The following NARS2 variants were observed in gnomAD, a reference collection of about 807,000 sequenced individuals.
The protein encoded by NARS2 is asparaginyl-tRNA synthetase.
In NARS2, 60 loss-of-function variants were observed where a neutral mutation model predicts 62.9. That is an observed-to-expected ratio of 0.95 (90% CI 0.77 to 1.18). The LOEUF (loss-of-function observed/expected upper bound fraction) is 1.18. Ranked by LOEUF, NARS2 falls within the 50% of genes most tolerant of loss-of-function variation. The pLI is 0.00. For missense variants in NARS2, 619 were observed against 576.4 expected, an observed-to-expected ratio of 1.07 and a Z score of -0.76; for synonymous variants, 196 against 200.0, an observed-to-expected ratio of 0.98 and a Z score of 0.17.
chr11:78,547,212 T>C (rs1198294683), intron 5 of NARS2, among the ~76,000 whole-genome samples: 1 of 151,982 alleles, frequency 6.6e-6, no homozygotes, highest in Non-Finnish European at 1.5e-5. Context: ...ACACCCATAG[T>C]ACTAGCTACC....
intron 7 of NARS2, among the ~76,000 whole-genome samples, chr11:78,490,128 C>T (rs1859754078): frequency 6.6e-6 from 1 of 152,160 alleles, no homozygotes; most frequent in Non-Finnish European, 1.5e-5. Flanking sequence ...CTTTCAAAAG[C>T]AGAATAAACT....
intron 4 of NARS2, among the ~76,000 whole-genome samples, chr11:78,560,232 T>C (rs1856510547): frequency 2.0e-5 from 3 of 152,196 alleles, no homozygotes; most frequent in African/African-American, 4.8e-5. Context: ...GATGGCACAA[T>C]GGACTCCACA....
intron 6 of NARS2, among the ~76,000 whole-genome samples, chr11:78,502,435 G>A (rs1215793493): frequency 1.3e-5 from 2 of 152,112 alleles, no homozygotes; most frequent in Non-Finnish European, 2.9e-5. Flanking sequence ...ACTGGATTAT[G>A]GTTCTACCCT....
intron 9 of NARS2, among the ~76,000 whole-genome samples, chr11:78,469,745 C>T (rs1436808245): frequency 4.0e-5 from 6 of 149,678 alleles, no homozygotes; most frequent in South Asian, 2.2e-4. Context: ...AGACAATGTG[C>T]GTGCGCGCAT....
At position 78,493,066 on chromosome 11, in the gene NARS2, C is replaced by T. The variant is rs1859895936; in HGVS notation, c.819G>A (p.Met273Ile). 2 of 1,610,300 alleles carry T rather than the reference C, an allele frequency of 1.2e-6. No homozygotes were observed. The highest frequency in any genetic ancestry group is 1.7e-6 in the Non-Finnish European group (2 of 1,178,688). The change falls in exon 7 of 14, where the codon ATG becomes ATA. Residue 273 changes from methionine (M) to isoleucine (I), a missense_variant. Physicochemically the swap from Met to Ile is conservative, Grantham distance 10. Transcript: ENST00000281038. ...ATTTTAAAACTTGTGTACCTACCTG[C>T]ATAAGATCTTGAAGGCTGTCAACAA... Reference protein sequence around the residue: ...ISFVDSLQDLMQVIEELFKAT... With the variant: ...ISFVDSLQDLIQVIEELFKAT...
intron 5 of NARS2, among the ~76,000 whole-genome samples, chr11:78,537,723 A>G (rs531823165): frequency 6.6e-6 from 1 of 152,226 alleles, no homozygotes; most frequent in South Asian, 2.1e-4. Context: ...GCTTGAGCAC[A>G]GAAGTTCAAG....
At chr11:78,515,470 G>A (rs1001081091) in intron 6 of NARS2, among the ~76,000 whole-genome samples, 2 of 152,150 alleles carry the variant, frequency 1.3e-5, no homozygotes, top group Non-Finnish European at 2.9e-5. Flanking sequence ...ATTAGGTAAT[G>A]TTGACGGTTA....
chr11:78,460,163 C>A (rs1240292265), intron 11 of NARS2, among the ~76,000 whole-genome samples: 2 of 152,154 alleles, frequency 1.3e-5, no homozygotes, highest in African/African-American at 2.4e-5. Flanking sequence ...GAGACACAGC[C>A]ACATTCTACT....
intron 4 of NARS2, among the ~76,000 whole-genome samples, chr11:78,563,046 T>C (rs930536066): frequency 2.6e-5 from 4 of 152,130 alleles, no homozygotes; most frequent in African/African-American, 7.2e-5. Flanking sequence ...TAATCCTAAG[T>C]ATCACACATA....
At chr11:78,492,601 T>C (rs186786124) in intron 7 of NARS2, among the ~76,000 whole-genome samples, 62 of 152,324 alleles carry the variant, frequency 4.1e-4, no homozygotes, top group African/African-American at 1.5e-3. Context: ...TGCTTTCTAA[T>C]ATAGCTACAT....
chr11:78,438,415 G>A (rs563600005), intron 13 of NARS2, among the ~76,000 whole-genome samples: 16 of 152,270 alleles, frequency 1.1e-4, no homozygotes, highest in Non-Finnish European at 2.1e-4. Flanking sequence ...TTGACTCAGT[G>A]ATGAAATGAA....
chr11:78,565,714 C>T (rs1856720369), intron 4 of NARS2, among the ~76,000 whole-genome samples: 1 of 152,110 alleles, frequency 6.6e-6, no homozygotes, highest in South Asian at 2.1e-4. Flanking sequence ...GAAAACAGTG[C>T]CCAGTGCTCA....
At chr11:78,520,096 C>T (rs749059953) in intron 6 of NARS2, among the ~76,000 whole-genome samples, 1 of 152,058 alleles carries the variant, frequency 6.6e-6, no homozygotes, top group East Asian at 1.9e-4. Flanking sequence ...GACTCATATA[C>T]TCTTAAAGGT....
At chr11:78,531,057 A>T (rs1403546668) in intron 5 of NARS2, among the ~76,000 whole-genome samples, 1 of 152,202 alleles carries the variant, frequency 6.6e-6, no homozygotes, top group African/African-American at 2.4e-5. Context: ...TGTAAAAAGT[A>T]ATTACAAAAA....
chr11:78,460,299 G>A (rs1858346437), intron 11 of NARS2, among the ~76,000 whole-genome samples: 1 of 146,948 alleles, frequency 6.8e-6, no homozygotes, highest in African/African-American at 2.5e-5. Context: ...TGGGGATGGA[G>A]TCTCATTATG....
intron 11 of NARS2, among the ~76,000 whole-genome samples, chr11:78,459,471 T>C (rs1038643618): frequency 2.0e-5 from 3 of 151,432 alleles, no homozygotes; most frequent in Non-Finnish European, 4.4e-5. Flanking sequence ...GGTTTCTCCA[T>C]GTTGGTCAGG....
At chr11:78,502,249 A>C (rs1401379170) in intron 6 of NARS2, among the ~76,000 whole-genome samples, 1 of 152,164 alleles carries the variant, frequency 6.6e-6, no homozygotes, top group Non-Finnish European at 1.5e-5. Context: ...AACAGAAATT[A>C]ATTTTCCTGC....
At chr11:78,566,339 G>C (rs569098338) in intron 3 of NARS2, 67 bp from the exon 4 acceptor site, 11 of 1,352,260 alleles carry the variant, frequency 8.1e-6, no homozygotes, top group Non-Finnish European at 1.1e-5. Flanking sequence ...TCAGTTTCCA[G>C]GGTATTTCTT....
At chr11:78,443,326 C>CA (rs11409113) in intron 12 of NARS2, among the ~76,000 whole-genome samples, 4,057 of 82,660 alleles carry the variant, frequency 0.049, 153 homozygotes, top group African/African-American at 0.12. Context: ...GACTCCGTCT[C>CA]AAAAAAAAAA....
Sources: allele counts gnomAD v4.1 joint callset (sites outside exome capture counted in the v4.1 genomes callset), GRCh38; gene constraint gnomAD v4.1.1; transcripts MANE v1.5; gene names NCBI Gene and HGNC (gene_info 2026-07-23, HGNC 2026-07-21).